APBB2: variants seen among roughly 807,000 people sequenced by gnomAD.
APBB2 encodes the protein amyloid beta precursor protein binding family B member 2.
APBB2 carries 38 observed loss-of-function variants against 82.5 expected under a neutral mutation model. The observed-to-expected ratio is 0.46, with a 90% CI of 0.36 to 0.60. The LOEUF (loss-of-function observed/expected upper bound fraction) is 0.60, where lower values mean the gene tolerates loss of function less well. Ranked by LOEUF, APBB2 falls within the 20% of genes least tolerant of loss-of-function variation. The pLI, the probability that APBB2 is intolerant of heterozygous loss-of-function variation, is 0.00. For synonymous variants in APBB2, 341 were observed against 368.2 expected (o/e 0.93, Z 0.85); for missense variants, 772 against 972.3 (o/e 0.79, Z 2.74).
At chr4:40,823,618 CA>C (rs769637707) in intron 16 of APBB2, 25 bp downstream of exon 16, 1 of 1,498,110 alleles carries the variant, frequency 6.7e-7, no homozygotes, top group African/African-American at 1.4e-5. Flanking sequence ...TAAGACACAC[CA>C]ATGTCATCGA....
At chr4:41,039,202 G>C (rs1400514300) in intron 4 of APBB2, among the ~76,000 whole-genome samples, 1 of 152,128 alleles carries the variant, frequency 6.6e-6, no homozygotes, top group Non-Finnish European at 1.5e-5. Context: ...TGCAGAATAA[G>C]ACAATCTTTG....
At chr4:41,131,856 A>G (rs1756092774) in intron 2 of APBB2, among the ~76,000 whole-genome samples, 1 of 152,060 alleles carries the variant, frequency 6.6e-6, no homozygotes, top group African/African-American at 2.4e-5. Flanking sequence ...CCTGGGCAAC[A>G]TGGCAAAACC....
At chr4:40,836,961 G>GT (rs1488092409) in intron 12 of APBB2, among the ~76,000 whole-genome samples, 2 of 152,338 alleles carry the variant, frequency 1.3e-5, no homozygotes, top group East Asian at 3.9e-4. Flanking sequence ...TCACCCATTA[G>GT]TTTTTTACAC....
chr4:40,845,138 C>T (rs1757092693), intron 12 of APBB2, among the ~76,000 whole-genome samples: 1 of 152,188 alleles, frequency 6.6e-6, no homozygotes, highest in Non-Finnish European at 1.5e-5. Context: ...ATAAACACTG[C>T]TTGATTTAAG....
At chr4:41,143,464 C>T (rs1429265021) in intron 1 of APBB2, among the ~76,000 whole-genome samples, 2 of 152,222 alleles carry the variant, frequency 1.3e-5, no homozygotes, top group African/African-American at 2.4e-5. Context: ...TGATCTGCCC[C>T]GTGGAAAACC....
chr4:41,035,577 A>C (rs927612105), intron 4 of APBB2, among the ~76,000 whole-genome samples: 2 of 152,220 alleles, frequency 1.3e-5, no homozygotes, highest in African/African-American at 4.8e-5. Flanking sequence ...TAGATACTCA[A>C]GAAAATGAAT....
chr4:41,101,470 C>CAAAAAA lies in APBB2; in HGVS notation c.-260-726_-260-721dup, dbSNP rs150527764. 7.0e-3 allele frequency among the ~76,000 whole-genome samples: 508 copies of CAAAAAA among 72,502 alleles called. 23 individuals carry two copies. Among genetic ancestry groups the CAAAAAA allele is most frequent in the East Asian group, 8.9e-3 (12 of 1,348 alleles). The allele number at this position is 72,502 out of a possible 152,430, so 47.6% of individuals were successfully genotyped here. A position where few individuals can be genotyped will look rare whatever the true frequency, so the allele number is the denominator to read the frequency against. ...TGGGCGACAGAGCGAGACTCCGTCTCAAAAAAAAAAAAAAAAAAAAAAAAA... is the reference window on the plus strand; with the variant it reads ...TGGGCGACAGAGCGAGACTCCGTCTCAAAAAAAAAAAAAAAAAAAAAAAAAAAAAAA... On this transcript the variant is annotated intron_variant, in intron 2 of 17. Coordinates refer to ENST00000508593, the MANE Select transcript of APBB2 (RefSeq NM_004307.2).
At chr4:41,109,295 A>G (rs1297489621) in intron 2 of APBB2, among the ~76,000 whole-genome samples, 7 of 122,186 alleles carry the variant, frequency 5.7e-5, no homozygotes, top group Non-Finnish European at 1.3e-4. Flanking sequence ...AATCACTATA[A>G]TTTTCTTTTT....
At chr4:40,938,546 C>T (rs1355462100) in intron 7 of APBB2, among the ~76,000 whole-genome samples, 1 of 152,112 alleles carries the variant, frequency 6.6e-6, no homozygotes, top group Non-Finnish European at 1.5e-5. Context: ...GGAAAAAGGC[C>T]AACAATGGAG....
intron 1 of APBB2, among the ~76,000 whole-genome samples, chr4:41,183,582 C>T (rs977758820): frequency 2.0e-5 from 3 of 152,024 alleles, no homozygotes; most frequent in African/African-American, 7.2e-5. Flanking sequence ...AAGATGAAGG[C>T]AGAGATCTAT....
At chr4:41,040,993 G>T (rs910979584) in intron 4 of APBB2, among the ~76,000 whole-genome samples, 14 of 152,038 alleles carry the variant, frequency 9.2e-5, no homozygotes, top group African/African-American at 3.4e-4. Flanking sequence ...CCATTCTCCT[G>T]CCTCAGCCTC....
At chr4:41,025,262 G>A (rs1296101341) in intron 5 of APBB2, among the ~76,000 whole-genome samples, 2 of 152,082 alleles carry the variant, frequency 1.3e-5, no homozygotes, top group African/African-American at 4.8e-5. Flanking sequence ...CATACATTTG[G>A]CCAAGAAGCA....
chr4:41,047,013 C>T (rs576223621), intron 4 of APBB2, among the ~76,000 whole-genome samples: 1 of 152,196 alleles, frequency 6.6e-6, no homozygotes, highest in Non-Finnish European at 1.5e-5. Flanking sequence ...GTAGTGAGAA[C>T]AGTTGAGATA....
At position 40,810,830 on chromosome 4, in the gene APBB2, TC is replaced by T. The variant is rs1424034705; in HGVS notation, c.*5261del. The T allele has an allele frequency of 6.6e-6, 1 of 152,180 alleles. No individual in the cohort carries two copies. Among genetic ancestry groups the T allele is most frequent in the African/African-American group, 2.4e-5 (1 of 41,444 alleles). 9.4% of individuals were successfully genotyped at this position (152,180 alleles called of 1,614,324 possible). On this transcript the variant is annotated 3_prime_UTR_variant, in exon 18 of 18. Transcript: ENST00000508593. ...ATTTCTATCTGGTTGGTTAGGGTAG[TC>T]CATGCCTCAAGGAAGGCGGTGCAGC...
At chr4:41,102,842 T>G (rs1278259622) in intron 2 of APBB2, among the ~76,000 whole-genome samples, 1 of 152,220 alleles carries the variant, frequency 6.6e-6, no homozygotes, top group African/African-American at 2.4e-5. Context: ...CCATTTAGTA[T>G]GTGAAAAATT....
intron 10 of APBB2, among the ~76,000 whole-genome samples, chr4:40,924,766 C>T (rs1782180929): frequency 6.6e-6 from 1 of 152,200 alleles, no homozygotes; most frequent in Admixed American, 6.5e-5. Flanking sequence ...CCACTAAATC[C>T]TGAGCAAAAT....
rs193100507 is a variant in APBB2 at position 41,166,049 on chromosome 4, T to C, written c.-416-22907A>G. Among the ~76,000 whole-genome samples the C allele has an allele frequency of 9.4e-3, 1,428 of 151,852 alleles. 32 individuals are homozygous for C. Among genetic ancestry groups the C allele is most frequent in the African/African-American group, 0.033 (1,373 of 41,424 alleles). ...CCACCACGCCCGGCTAATTTTTTTG[T>C]ATTTTTAGTAGAGACGGGGTTTCAC... On this transcript the variant is annotated intron_variant, in intron 1 of 17. Coordinates refer to ENST00000508593, the MANE Select transcript of APBB2 (RefSeq NM_004307.2).
At chr4:40,903,745 G>A (rs1374554571) in intron 10 of APBB2, among the ~76,000 whole-genome samples, 2 of 152,184 alleles carry the variant, frequency 1.3e-5, no homozygotes, top group South Asian at 2.1e-4. Flanking sequence ...CACCACTGCA[G>A]GATATGGGAT....
intron 12 of APBB2, among the ~76,000 whole-genome samples, chr4:40,839,942 G>C (rs530724778): frequency 7.9e-5 from 12 of 152,194 alleles, no homozygotes; most frequent in Admixed American, 7.9e-4. Context: ...TGGGATTACA[G>C]GCATGAGCCA....
Sources: allele counts gnomAD v4.1 joint callset (sites outside exome capture counted in the v4.1 genomes callset), GRCh38; gene constraint gnomAD v4.1.1; transcripts MANE v1.5; gene names NCBI Gene and HGNC (gene_info 2026-07-23, HGNC 2026-07-21).